MALRD1: variants seen among roughly 807,000 people sequenced by gnomAD.
MALRD1 encodes MAM and LDL receptor class A domain containing 1, also known as MAM and LDL-receptor class A domain-containing protein 1.
In MALRD1, 247 loss-of-function variants were observed where a neutral mutation model predicts 242.1. The observed-to-expected ratio is 1.02, with a 90% CI of 0.92 to 1.13. The LOEUF (loss-of-function observed/expected upper bound fraction) is 1.13. Ranked by LOEUF, MALRD1 falls within the 50% of genes most tolerant of loss-of-function variation. The pLI is 0.00. For missense variants in MALRD1, 2,989 were observed against 2,533.1 expected (o/e 1.18, Z -3.86); for synonymous variants, 995 against 866.6 (o/e 1.15, Z -2.60).
At position 19,124,683 on chromosome 10, in the gene MALRD1, A is replaced by T; in HGVS notation, c.943+13A>T. The T allele has an allele frequency of 1.6e-6, 2 of 1,233,408 alleles. No homozygotes were observed. Among genetic ancestry groups the T allele is most frequent in the Middle Eastern group, 2.1e-4 (1 of 4,722 alleles). 76.4% of individuals were successfully genotyped at this position (1,233,408 alleles called of 1,614,324 possible). A position where few individuals can be genotyped will look rare whatever the true frequency, so the allele number is the denominator to read the frequency against. ...GGTGATGATGAAGGTAGAAAAAAAA[A>T]TAATATCTTTTATGTATTACTTTCA... is the stretch of plus-strand genomic sequence containing the variant. On this transcript the variant is annotated intron_variant, in intron 7 of 39. Transcript: ENST00000454679.
intron 38 of MALRD1, among the ~76,000 whole-genome samples, chr10:19,727,369 G>T (rs1344914348): frequency 6.6e-6 from 1 of 151,974 alleles, no homozygotes; most frequent in Non-Finnish European, 1.5e-5. Context: ...CTAAAACAAT[G>T]TTGTCAGTTA....
At chr10:19,337,801 G>C (rs967005384) in intron 24 of MALRD1, among the ~76,000 whole-genome samples, 2 of 151,970 alleles carry the variant, frequency 1.3e-5, no homozygotes, top group African/African-American at 4.8e-5. Context: ...GGTGGTTCAC[G>C]ACTGTAATCC....
At chr10:19,719,223 C>CATACATATATATATATATAT (rs1176551831) in intron 38 of MALRD1, among the ~76,000 whole-genome samples, 6 of 76,428 alleles carry the variant, frequency 7.9e-5, no homozygotes, top group African/African-American at 3.5e-4. Flanking sequence ...CACATACATA[C>CATACATATATATATATATAT]ATATATATAT....
intron 37 of MALRD1, 23 bp downstream of exon 37, chr10:19,692,384 A>C (rs1281328062): frequency 1.3e-6 from 2 of 1,533,606 alleles, no homozygotes; most frequent in African/African-American, 1.4e-5. Context: ...ATGACTAAAT[A>C]AATGGCTTGG....
intron 28 of MALRD1, among the ~76,000 whole-genome samples, chr10:19,401,681 A>T (rs1290853066): frequency 2.0e-5 from 3 of 152,170 alleles, no homozygotes; most frequent in Non-Finnish European, 1.5e-5. Context: ...ATAAATTTTT[A>T]ATTTAATTCT....
chr10:19,369,718 A>G (rs1369348533), intron 26 of MALRD1, among the ~76,000 whole-genome samples: 6 of 151,590 alleles, frequency 4.0e-5, no homozygotes. Flanking sequence ...AAGTACACAC[A>G]CACACACACA....
At chr10:19,281,640 A>C (rs920972513) in intron 20 of MALRD1, among the ~76,000 whole-genome samples, 1 of 152,206 alleles carries the variant, frequency 6.6e-6, no homozygotes, top group African/African-American at 2.4e-5. Flanking sequence ...CTTGTAAACT[A>C]TACAGATTTT....
intron 10 of MALRD1, among the ~76,000 whole-genome samples, chr10:19,144,152 G>GGGAAATCCATTTAGAGGGAAAA (rs1213174159): frequency 1.3e-5 from 2 of 152,092 alleles, no homozygotes; most frequent in African/African-American, 4.8e-5. Flanking sequence ...TTTATTTGTA[G>GGGAAATCCATTTAGAGGGAAAA]GGAAATCCAT....
chr10:19,693,174 A>T (rs1206663268), intron 38 of MALRD1, among the ~76,000 whole-genome samples: 2 of 151,876 alleles, frequency 1.3e-5, no homozygotes, highest in Non-Finnish European at 2.9e-5. Flanking sequence ...CAGGACAGGG[A>T]TGCCCTCTCT....
At chr10:19,596,689 C>G (rs1838114890) in intron 34 of MALRD1, among the ~76,000 whole-genome samples, 1 of 151,706 alleles carries the variant, frequency 6.6e-6, no homozygotes, top group South Asian at 2.1e-4. Context: ...TATGATTGTG[C>G]CACTGTACCA....
chr10:19,507,146 C>T (rs977131819), intron 31 of MALRD1, among the ~76,000 whole-genome samples: 3 of 151,888 alleles, frequency 2.0e-5, no homozygotes, highest in East Asian at 1.9e-4. Context: ...AAGAGAGCAC[C>T]GAGCCATAAG....
At chr10:19,376,022 T>C (rs1208938951) in intron 26 of MALRD1, among the ~76,000 whole-genome samples, 1 of 152,182 alleles carries the variant, frequency 6.6e-6, no homozygotes, top group African/African-American at 2.4e-5. Flanking sequence ...CTCAGGAGGC[T>C]GAGGCAGGGG....
chr10:19,541,969 A>C (rs1032898844), intron 32 of MALRD1, among the ~76,000 whole-genome samples: 7 of 152,352 alleles, frequency 4.6e-5, no homozygotes, highest in Admixed American at 2.6e-4. Context: ...GCACAAAATG[A>C]AAAGGTCGAC....
At chr10:19,435,036 T>A (rs1589067665) in intron 28 of MALRD1, among the ~76,000 whole-genome samples, 1 of 151,308 alleles carries the variant, frequency 6.6e-6, no homozygotes, top group Admixed American at 6.6e-5. Flanking sequence ...CAGACAGTTC[T>A]TACAGTTATT....
At chr10:19,171,422 TTATATACATA>T (rs746507461) in intron 13 of MALRD1, among the ~76,000 whole-genome samples, 7,894 of 36,236 alleles carry the variant, frequency 0.22, 613 homozygotes, top group East Asian at 0.48. Flanking sequence ...ATTTTATATT[TTATATACATA>T]TATATATATA....
intron 2 of MALRD1, among the ~76,000 whole-genome samples, chr10:19,073,977 T>C (rs545870654): frequency 6.6e-6 from 1 of 152,152 alleles, no homozygotes; most frequent in African/African-American, 2.4e-5. Flanking sequence ...ATGAGAGAAA[T>C]GGTATTTCAA....
At chr10:19,119,735 T>C (rs565979548) in intron 5 of MALRD1, among the ~76,000 whole-genome samples, 88 of 152,306 alleles carry the variant, frequency 5.8e-4, no homozygotes, top group Non-Finnish European at 1.3e-3. Context: ...TTGTGACTAA[T>C]GTTAGTCCTA....
At chr10:19,603,230 G>T (rs923894613) in intron 34 of MALRD1, among the ~76,000 whole-genome samples, 39 of 152,208 alleles carry the variant, frequency 2.6e-4, no homozygotes, top group African/African-American at 8.7e-4. Flanking sequence ...GGCTTTTGTT[G>T]TCATTGCTTT....
At chr10:19,354,040 T>TA (rs920682628) in intron 26 of MALRD1, among the ~76,000 whole-genome samples, 15 of 148,020 alleles carry the variant, frequency 1.0e-4, no homozygotes, top group Non-Finnish European at 1.1e-4. Flanking sequence ...GAAGCAACAT[T>TA]AAAAAAAAAA....
Sources: allele counts gnomAD v4.1 joint callset (sites outside exome capture counted in the v4.1 genomes callset), GRCh38; gene constraint gnomAD v4.1.1; transcripts MANE v1.5; gene names NCBI Gene and HGNC (gene_info 2026-07-23, HGNC 2026-07-21).